NHSL1: variants seen among roughly 807,000 people sequenced by gnomAD.
NHSL1 encodes the protein NHS like 1.
A neutral mutation model predicts 95.0 loss-of-function variants in NHSL1; 48 were observed. That is an observed-to-expected ratio of 0.51 (90% CI 0.40 to 0.64). NHSL1 has a LOEUF of 0.64. Among genes scored for constraint, NHSL1 ranks in the 30% least tolerant of loss-of-function variants. NHSL1 has a pLI of 0.00. For missense variants in NHSL1, 1,971 were observed against 2,077.7 expected (o/e 0.95, Z 1.00); for synonymous variants, 783 against 833.9 (o/e 0.94, Z 1.05).
intron 1 of NHSL1, among the ~76,000 whole-genome samples, chr6:138,676,779 T>C (rs1213171866): frequency 6.6e-6 from 1 of 152,144 alleles, no homozygotes; most frequent in Non-Finnish European, 1.5e-5. Flanking sequence ...CTCAGCCTCC[T>C]GAGTAGCTGG....
At chr6:138,448,034 G>A (rs1301006388) in intron 3 of NHSL1, among the ~76,000 whole-genome samples, 7 of 152,138 alleles carry the variant, frequency 4.6e-5, no homozygotes, top group African/African-American at 1.7e-4. Flanking sequence ...TAACTTATAC[G>A]GCACTGACTA....
chr6:138,432,647 CA>C lies in NHSL1; in HGVS notation c.1697del (p.Leu566ArgfsTer5). On this transcript the variant is annotated frameshift_variant, in exon 6 of 8. Transcript: ENST00000343505. LOFTEE classifies it high-confidence loss of function. This position sits in a 1 kb window ranked among gnomAD's most constrained non-coding sequence, Gnocchi z 4.4. ...AGCCAGGAGTTGCTAAATGCGGCTT[CA>C]GGGGGGATGCCCTTCCATTACCTGA... ...KSSGNGRASP[L>X]KPHLATPGYS... 6.4e-7 allele frequency: 1 copy of C among 1,551,762 alleles called. No homozygotes were observed. The highest frequency in any genetic ancestry group is 8.7e-7 in the Non-Finnish European group (1 of 1,147,006).
chr6:138,527,540 A>C (rs1333271803), intron 1 of NHSL1, among the ~76,000 whole-genome samples: 3 of 152,194 alleles, frequency 2.0e-5, no homozygotes, highest in Non-Finnish European at 4.4e-5. Flanking sequence ...CAAGTCAGAG[A>C]GCAGCCGGAT....
At position 138,424,578 on chromosome 6, in the gene NHSL1, G is replaced by A; in HGVS notation, c.4324C>T (p.Leu1442Phe). The A allele has an allele frequency of 6.4e-7, 1 of 1,551,634 alleles. No homozygotes were observed. Among genetic ancestry groups the A allele is most frequent in the South Asian group, 1.2e-5 (1 of 84,046 alleles). The change falls in exon 8 of 8, where the codon CTC becomes TTC. Residue 1442 changes from leucine to phenylalanine, a missense_variant. Around this residue, in one of 3 missense-constraint regions of NHSL1, gnomAD observed 146 missense variants for 206.3 expected, o/e 0.71. Coordinates refer to ENST00000343505, the MANE Select transcript of NHSL1 (RefSeq NM_001144060.2). The surrounding 1 kb of genome is among the most constrained non-coding windows in gnomAD (Gnocchi z 5.9). ...TGGAATCTAGGGTCTGTGTTCTTGA[G>A]CATCTCTGCTGCAGACATGCGGGCG... is the stretch of plus-strand genomic sequence containing the variant. ...TSARMSAAEM[L>F]KNTDPRFQRS...
intron 1 of NHSL1, among the ~76,000 whole-genome samples, chr6:138,642,995 G>C (rs567403991): frequency 1.3e-5 from 2 of 152,110 alleles, no homozygotes; most frequent in African/African-American, 2.4e-5. Flanking sequence ...TCAAAAGGCT[G>C]GTGTTTTAAG....
chr6:138,649,684 C>T (rs537203917), intron 1 of NHSL1, among the ~76,000 whole-genome samples: 8 of 152,266 alleles, frequency 5.3e-5, no homozygotes, highest in African/African-American at 1.9e-4. Flanking sequence ...AGGTGCTGCC[C>T]TCATATAAAA....
intron 1 of NHSL1, among the ~76,000 whole-genome samples, chr6:138,527,089 G>A (rs12209410): frequency 8.7e-4 from 132 of 152,202 alleles, no homozygotes; most frequent in Non-Finnish European, 1.6e-3. Context: ...AGCAAACTGA[G>A]CCAGCTGTGT....
At chr6:138,444,148 A>G (rs947028591) in intron 4 of NHSL1, among the ~76,000 whole-genome samples, 2 of 152,180 alleles carry the variant, frequency 1.3e-5, no homozygotes, top group African/African-American at 4.8e-5. Flanking sequence ...CCTTTAATTG[A>G]AAAATGGCAT....
rs537783998 is a variant in NHSL1 at position 138,572,049 on chromosome 6, A to G, written c.-138T>C. ...CTGACAGTCAGGCACCGCATTATCCAAAAAGACGGCTTCTGTGTCACCCAA... is the reference window on the plus strand; with the variant it reads ...CTGACAGTCAGGCACCGCATTATCCGAAAAGACGGCTTCTGTGTCACCCAA... On this transcript the variant is annotated 5_prime_UTR_variant, in exon 1 of 7. Transcript: ENST00000427025. 6.2e-6 allele frequency: 4 copies of G among 647,196 alleles called. No homozygotes were observed. The South Asian group carries it at 8.3e-5, about 13-fold the overall frequency. 40.1% of individuals were successfully genotyped at this position (647,196 alleles called of 1,614,324 possible).
In NHSL1 at chr6:138,431,249, T is replaced by C. The variant is rs1050464108; in HGVS notation, c.3096A>G (p.Lys1032=). ...AATTTGTGAAAGGCGGCCTGGTGTC[T>C]TTCATGAATTTGGGGTCAAGAGGTG... ...PAPPLDPKFM[K]DTRPPFTNSG... The change falls in exon 6 of 8, where the codon AAA becomes AAG. Residue 1032 remains lysine, a synonymous_variant. Transcript: ENST00000343505. This position sits in a 1 kb window ranked among gnomAD's most constrained non-coding sequence, Gnocchi z 4.0. 3.3e-6 allele frequency: 5 copies of C among 1,511,960 alleles called. No individual in the cohort carries two copies. The African/African-American group carries it at 7.0e-5, about 21-fold the overall frequency. 93.7% of individuals were successfully genotyped at this position (1,511,960 alleles called of 1,614,324 possible).
intron 5 of NHSL1, among the ~76,000 whole-genome samples, chr6:138,437,365 T>TATATACAC (rs71009584): frequency 0.019 from 1,695 of 91,108 alleles, 183 homozygotes; most frequent in African/African-American, 0.029. Flanking sequence ...TACACATATA[T>TATATACAC]ATATATACAC....
chr6:138,622,451 A>G lies in NHSL1; in HGVS notation c.96+70025T>C, dbSNP rs191796580. 1.6e-4 allele frequency among the ~76,000 whole-genome samples: 25 copies of G among 152,158 alleles called. No homozygotes were observed. The East Asian group carries it at 4.4e-3, about 27-fold the overall frequency. On this transcript the variant is annotated intron_variant, in intron 1 of 3. Coordinates refer to the NHSL1 transcript ENST00000491526. ...CCCAGAGCCAAGATCGTACCACTGCACTCCAGCCTGGGTGACAGAGCAAGA... is the reference window on the plus strand; with the variant it reads ...CCCAGAGCCAAGATCGTACCACTGCGCTCCAGCCTGGGTGACAGAGCAAGA...
chr6:138,460,233 T>C (rs530624272), intron 3 of NHSL1, among the ~76,000 whole-genome samples: 14 of 152,206 alleles, frequency 9.2e-5, no homozygotes, highest in Non-Finnish European at 1.9e-4. Context: ...AAGATTTCTT[T>C]TTTTTTATGG....
At chr6:138,466,044 G>C (rs560389612) in intron 3 of NHSL1, among the ~76,000 whole-genome samples, 14 of 141,138 alleles carry the variant, frequency 9.9e-5, no homozygotes, top group East Asian at 4.5e-4. Context: ...TCCTTTTTGG[G>C]GGGGGGGCAG....
intron 7 of NHSL1, among the ~76,000 whole-genome samples, chr6:138,428,013 G>A (rs574167299): frequency 6.6e-5 from 10 of 152,300 alleles, no homozygotes; most frequent in South Asian, 2.1e-4. Flanking sequence ...TCGATGTAAC[G>A]TCCTAGTAAG....
At position 138,496,338 on chromosome 6, in the gene NHSL1, G is replaced by A. The variant is rs767346082; in HGVS notation, c.92C>T (p.Thr31Ile). ...GTGCCACGGGGCAGTGTAGTGGACT[G>A]TCCATCGGCTTTCCTCATCTAGGTT... ...VSNLDEESRW[T>I]VHYTAPWHQQ... Residue 31 changes from threonine (T) to isoleucine (I), a missense_variant, in exon 2 of 8, where the codon ACA becomes ATA. Thr to Ile is a moderately conservative substitution (Grantham distance 89). Around this residue, in one of 3 missense-constraint regions of NHSL1, gnomAD observed 1,602 missense variants for 1,654.5 expected, o/e 0.97. Coordinates refer to ENST00000343505, the MANE Select transcript of NHSL1 (RefSeq NM_001144060.2). The A allele has an allele frequency of 1.1e-4, 163 of 1,550,502 alleles. 2 individuals are homozygous for A. The highest frequency in any genetic ancestry group is 8.9e-4 in the South Asian group (75 of 84,002).
intron 3 of NHSL1, among the ~76,000 whole-genome samples, chr6:138,451,445 A>G (rs929133719): frequency 2.6e-5 from 4 of 152,146 alleles, no homozygotes; most frequent in African/African-American, 9.7e-5. Flanking sequence ...TTTAGTACAT[A>G]TAACTAGTAC....
Position 138,630,057 on chromosome 6 carries a change from C to A in NHSL1, c.96+62419G>T, listed in dbSNP as rs374202412. ...GTGAGACCCTGTCTCTACAAAAAAT[C>A]TTTTTAAATTACCCTGGCATGGTGG... On this transcript the variant is annotated intron_variant, in intron 1 of 3. Transcript: ENST00000491526. Among the ~76,000 whole-genome samples the A allele has an allele frequency of 3.2e-4, 49 of 152,218 alleles. 1 individual carries two copies. The South Asian group carries it at 0.01, about 32-fold the overall frequency.
chr6:138,618,605 A>G (rs1160663203), intron 1 of NHSL1, among the ~76,000 whole-genome samples: 1 of 152,220 alleles, frequency 6.6e-6, no homozygotes, highest in Admixed American at 6.5e-5. Flanking sequence ...TTTTTTTTAA[A>G]TGAACACATT....
Sources: gnomAD v4.1 joint callset for allele counts (sites outside exome capture counted in the v4.1 genomes callset) on GRCh38, gnomAD v4.1.1 for gene constraint, gnomAD v4.1.1 regional missense constraint, Gnocchi (gnomAD v3.1) non-coding constraint, MANE v1.5 for transcripts, NCBI Gene and HGNC (gene_info 2026-07-23, HGNC 2026-07-21) for gene names.